The following GRAMD2B variants were observed in gnomAD, a reference collection of about 807,000 sequenced individuals.
GRAMD2B encodes GRAM domain-containing protein 2B.
In GRAMD2B, 41 loss-of-function variants were observed where a neutral mutation model predicts 59.2. The ratio of observed to expected loss-of-function variants is 0.69; its 90% CI spans 0.54 to 0.90. GRAMD2B has a LOEUF of 0.90. Among genes scored for constraint, GRAMD2B ranks in the 40% least tolerant of loss-of-function variants. GRAMD2B has a pLI of 0.00. For synonymous variants in GRAMD2B, 161 were observed against 182.7 expected, an observed-to-expected ratio of 0.88 and a Z score of 0.96; for missense variants, 424 against 500.5, an observed-to-expected ratio of 0.85 and a Z score of 1.46.
chr5:126,447,061 G>C (rs1467803635), intron 1 of GRAMD2B, among the ~76,000 whole-genome samples: 2 of 152,182 alleles, frequency 1.3e-5, no homozygotes, highest in Non-Finnish European at 2.9e-5. Flanking sequence ...TAGTTTCGTG[G>C]GAAGAAATGG....
chr5:126,425,841 C>T (rs1025513553), intron 1 of GRAMD2B, among the ~76,000 whole-genome samples: 4 of 151,890 alleles, frequency 2.6e-5, no homozygotes, highest in Non-Finnish European at 4.4e-5. Context: ...ATGGTGGTTT[C>T]CAGGCGCTGG....
intron 1 of GRAMD2B, among the ~76,000 whole-genome samples, chr5:126,458,338 G>A (rs1439314873): frequency 3.3e-5 from 5 of 151,952 alleles, no homozygotes. Context: ...AGGAGGCTGA[G>A]ACAAGAGAAT....
intron 1 of GRAMD2B, among the ~76,000 whole-genome samples, chr5:126,428,794 A>G (rs1276416389): frequency 6.6e-6 from 1 of 152,242 alleles, no homozygotes; most frequent in South Asian, 2.1e-4. Context: ...AAAGCTCTAC[A>G]TCACTAATCA....
upstream of GRAMD2B, among the ~76,000 whole-genome samples, chr5:126,422,865 A>G (rs1759885875): frequency 6.6e-6 from 1 of 152,048 alleles, no homozygotes; most frequent in East Asian, 1.9e-4. Context: ...AACAGTCATA[A>G]CCCAATATTT....
chr5:126,485,168 A>G (rs2083233310), intron 10 of GRAMD2B, among the ~76,000 whole-genome samples: 1 of 152,044 alleles, frequency 6.6e-6, no homozygotes, highest in Non-Finnish European at 1.5e-5. Context: ...AGCCTGGGCA[A>G]CATAGTGAGA....
In GRAMD2B at chr5:126,484,467, G is replaced by C. The variant is rs1475030400; in HGVS notation, c.913G>C (p.Ala305Pro). Residue 305 changes from alanine (A) to proline (P), a missense_variant, in exon 10 of 14, where the codon GCA becomes CCA. Transcript: ENST00000285689. ...CAAGGGAGAAGCAAAGCCAACTCGG[G>C]CAGATGCCCATGTGAACAGAGTACC... ...VSKGEAKPTR[A>P]DAHVNRVPEG... 6.2e-7 allele frequency: 1 copy of C among 1,614,054 alleles called. No homozygotes were observed. Among genetic ancestry groups the C allele is most frequent in the African/African-American group, 1.3e-5 (1 of 74,936 alleles).
At chr5:126,449,703 A>G (rs1242439697) in intron 1 of GRAMD2B, among the ~76,000 whole-genome samples, 1 of 152,144 alleles carries the variant, frequency 6.6e-6, no homozygotes, top group Non-Finnish European at 1.5e-5. Context: ...TTTTTTTTAG[A>G]AAAAGAATCC....
chr5:126,468,547 G>A (rs1024975685), intron 2 of GRAMD2B, among the ~76,000 whole-genome samples: 3 of 151,950 alleles, frequency 2.0e-5, no homozygotes, highest in African/African-American at 4.8e-5. Context: ...GAGTGCAATG[G>A]TGCAATATCA....
intron 10 of GRAMD2B, 68 bp from the exon 11 acceptor site, chr5:126,485,617 AG>A: frequency 1.1e-6 from 1 of 892,856 alleles, no homozygotes; most frequent in Non-Finnish European, 1.8e-6. Flanking sequence ...AGTACCCCAT[AG>A]GGATATTGCT....
intron 1 of GRAMD2B, among the ~76,000 whole-genome samples, chr5:126,427,242 C>T (rs1760766274): frequency 6.6e-6 from 1 of 152,168 alleles, no homozygotes; most frequent in African/African-American, 2.4e-5. Flanking sequence ...GGTATTTCTC[C>T]TAATGCAATC....
chr5:126,369,729 A>T (rs1754643571), upstream of GRAMD2B, among the ~76,000 whole-genome samples: 1 of 152,216 alleles, frequency 6.6e-6, no homozygotes, highest in African/African-American at 2.4e-5. Flanking sequence ...CTGACACTGG[A>T]ATTTCCTCCT....
At chr5:126,456,372 G>A (rs139027015) in intron 1 of GRAMD2B, among the ~76,000 whole-genome samples, 16 of 135,056 alleles carry the variant, frequency 1.2e-4, no homozygotes, top group African/African-American at 2.8e-4. Flanking sequence ...CACCATACCC[G>A]GCTAAATTTT....
intron 1 of GRAMD2B, among the ~76,000 whole-genome samples, chr5:126,392,957 C>G (rs183455150): frequency 6.6e-6 from 1 of 152,250 alleles, no homozygotes; most frequent in Admixed American, 6.5e-5. Flanking sequence ...ATCTTTCTTA[C>G]AGAACAATAA....
In GRAMD2B at chr5:126,477,802, G is replaced by A. The variant is rs190537729; in HGVS notation, c.582+15G>A. The A allele has an allele frequency of 2.6e-5, 39 of 1,510,336 alleles. No homozygotes were observed. The highest frequency in any genetic ancestry group is 1.0e-4 in the South Asian group (9 of 88,972). The allele number at this position is 1,510,336 out of a possible 1,614,324, so 93.6% of individuals were successfully genotyped here. ...TCACAGACAGGGTGAGTATGCAGCC[G>A]AGCGAGGGCATCTTTGCTTTGTCCT... On this transcript the variant is annotated intron_variant, in intron 6 of 13. Coordinates refer to ENST00000285689, the MANE Select transcript of GRAMD2B (RefSeq NM_023927.4).
Position 126,475,728 on chromosome 5 carries a change from G to A in GRAMD2B, c.487-1964G>A, listed in dbSNP as rs535510279. Reference sequence around the variant, plus strand: ...CGCCTGTAATCCAGCACTTTGGGAGGCCAAGGCGGGCGGATCACCTGAGGT... The same window carrying A: ...CGCCTGTAATCCAGCACTTTGGGAGACCAAGGCGGGCGGATCACCTGAGGT... On this transcript the variant is annotated intron_variant, in intron 5 of 13. Coordinates refer to ENST00000285689, the MANE Select transcript of GRAMD2B (RefSeq NM_023927.4). Among the ~76,000 whole-genome samples, 8 of 152,342 alleles carry A rather than the reference G, an allele frequency of 5.3e-5. No homozygotes were observed. In the East Asian group the frequency reaches 1.5e-3, roughly 29 times the overall value.
Position 126,483,480 on chromosome 5 carries a change from C to G in GRAMD2B, c.753C>G (p.Phe251Leu), listed in dbSNP as rs1772264489. The G allele has an allele frequency of 6.2e-7, 1 of 1,608,248 alleles. No individual in the cohort carries two copies. Among genetic ancestry groups the G allele is most frequent in the African/African-American group, 1.3e-5 (1 of 74,874 alleles). The change falls in exon 9 of 14, where the codon TTC (phenylalanine) becomes TTG (leucine). Residue 251 changes from phenylalanine to leucine, a missense_variant. Physicochemically the swap from Phe to Leu is conservative, Grantham distance 22. Transcript: ENST00000285689. ...CCTTTCAGGATTTCAATGATGAATTCTCAGATCTGGATGGAGTGGTTCAAC... is the reference window on the plus strand; with the variant it reads ...CCTTTCAGGATTTCAATGATGAATTGTCAGATCTGGATGGAGTGGTTCAAC... ...SSLPLDFNDE[F>L]SDLDGVVQQR...
intron 1 of GRAMD2B, among the ~76,000 whole-genome samples, chr5:126,376,740 C>G (rs1025487499): frequency 1.3e-5 from 2 of 152,096 alleles, no homozygotes; most frequent in African/African-American, 4.8e-5. Context: ...TGGAAGCATT[C>G]AAAGGAAGCA....
chr5:126,375,059 T>C (rs972385177), intron 1 of GRAMD2B, among the ~76,000 whole-genome samples: 1 of 152,214 alleles, frequency 6.6e-6, no homozygotes, highest in Non-Finnish European at 1.5e-5. Flanking sequence ...TAGCTTTCCA[T>C]TTATTTAGGT....
intron 1 of GRAMD2B, among the ~76,000 whole-genome samples, chr5:126,405,489 G>T (rs1158583512): frequency 6.6e-6 from 1 of 151,878 alleles, no homozygotes; most frequent in African/African-American, 2.4e-5. Flanking sequence ...AATAATCTGT[G>T]CGAGGCACAG....
Sources: allele counts gnomAD v4.1 joint callset (sites outside exome capture counted in the v4.1 genomes callset), GRCh38; gene constraint gnomAD v4.1.1; transcripts MANE v1.5; gene names NCBI Gene and HGNC (gene_info 2026-07-23, HGNC 2026-07-21).